Variants in PRR16 observed in about 807,000 individuals in gnomAD.
The protein encoded by PRR16 is protein Largen.
In PRR16, 6 loss-of-function variants were observed where a neutral mutation model predicts 18.2. That is an observed-to-expected ratio of 0.33 (90% CI 0.18 to 0.65). The LOEUF is 0.65. PRR16 is among the 30% of genes least tolerant of loss of function. The pLI is 0.74. For missense variants in PRR16, 412 were observed against 376.6 expected (o/e 1.09, Z -0.78); for synonymous variants, 151 against 147.8 (o/e 1.02, Z -0.16).
intron 1 of PRR16, among the ~76,000 whole-genome samples, chr5:120,564,988 GAAAAAAA>G (rs34900155): frequency 2.2e-5 from 2 of 91,892 alleles, no homozygotes; most frequent in East Asian, 3.6e-4. Context: ...TCTGTTTCCA[GAAAAAAA>G]AAAAAAAAAA....
chr5:120,477,295 A>G (rs1337096273), intron 1 of PRR16, among the ~76,000 whole-genome samples: 1 of 151,840 alleles, frequency 6.6e-6, no homozygotes, highest in Non-Finnish European at 1.5e-5. Flanking sequence ...TAATTTTACC[A>G]TATAGCAAAC....
chr5:120,767,334 C>G, the PRR16 span, among the ~76,000 whole-genome samples: 1 of 151,988 alleles, frequency 6.6e-6, no homozygotes, highest in East Asian at 1.9e-4. Flanking sequence ...TATGTTTTGT[C>G]ATGCCCAAAT....
intron 1 of PRR16, among the ~76,000 whole-genome samples, chr5:120,673,781 A>AG (rs201856444): frequency 0.035 from 5,247 of 152,046 alleles, 159 homozygotes; most frequent in Middle Eastern, 0.16. Context: ...TCTAAAAAAA[A>AG]TAAAAAATAA....
the PRR16 span, among the ~76,000 whole-genome samples, chr5:120,782,193 T>G: frequency 6.6e-6 from 1 of 152,138 alleles, no homozygotes; most frequent in East Asian, 1.9e-4. Flanking sequence ...TGGGACAGAT[T>G]AAACCATCAA....
At chr5:120,710,309 A>T in the PRR16 span, among the ~76,000 whole-genome samples, 67,819 of 151,860 alleles carry the variant, frequency 0.45, 16,279 homozygotes, top group East Asian at 0.83. Context: ...TTTTTAAAAA[A>T]TTTATCATTT....
the PRR16 span, among the ~76,000 whole-genome samples, chr5:120,758,974 C>CTT: frequency 0.054 from 5,954 of 110,324 alleles, 453 homozygotes; most frequent in African/African-American, 0.062. Flanking sequence ...ACCATAATTT[C>CTT]TTTTTTTTTT....
chr5:120,724,372 C>G, the PRR16 span, among the ~76,000 whole-genome samples: 6 of 152,056 alleles, frequency 3.9e-5, no homozygotes. Flanking sequence ...TGCTTCTCCT[C>G]TCTCTATTTT....
At chr5:120,651,016 C>T (rs1359662370) in intron 1 of PRR16, among the ~76,000 whole-genome samples, 2 of 152,108 alleles carry the variant, frequency 1.3e-5, no homozygotes, top group Non-Finnish European at 1.5e-5. Flanking sequence ...GAATGATCGC[C>T]ATTCTAAATG....
chr5:120,782,218 G>A, the PRR16 span, among the ~76,000 whole-genome samples: 1,771 of 152,200 alleles, frequency 0.012, 10 homozygotes, highest in Non-Finnish European at 0.019. Flanking sequence ...CAACAGACTT[G>A]CAGGATTAGC....
chr5:120,615,394 T>G (rs1754474988), intron 1 of PRR16, among the ~76,000 whole-genome samples: 1 of 150,430 alleles, frequency 6.6e-6, no homozygotes, highest in African/African-American at 2.4e-5. Flanking sequence ...CTTTTTTTTT[T>G]TTTTTTTTGA....
intron 1 of PRR16, among the ~76,000 whole-genome samples, chr5:120,567,290 AG>A (rs992437034): frequency 6.6e-6 from 1 of 152,096 alleles, no homozygotes; most frequent in Admixed American, 6.6e-5. Flanking sequence ...CTGCTTGCCT[AG>A]GGTCCTGACA....
chr5:120,651,168 T>C (rs1755774304), intron 1 of PRR16, among the ~76,000 whole-genome samples: 1 of 152,128 alleles, frequency 6.6e-6, no homozygotes, highest in African/African-American at 2.4e-5. Context: ...CACTTTTTGA[T>C]GGGGTTGTTT....
chr5:120,544,582 T>C (rs950739012), intron 1 of PRR16, among the ~76,000 whole-genome samples: 2 of 152,168 alleles, frequency 1.3e-5, no homozygotes, highest in African/African-American at 4.8e-5. Context: ...ATATATATAA[T>C]ACAATTGTGT....
chr5:120,651,561 C>T (rs538479842), intron 1 of PRR16, among the ~76,000 whole-genome samples: 61 of 152,292 alleles, frequency 4.0e-4, no homozygotes, highest in African/African-American at 1.2e-3. Context: ...AGCCAGTTTT[C>T]CCAGCACCAT....
chr5:120,658,542 C>G (rs1756064800), intron 1 of PRR16, among the ~76,000 whole-genome samples: 1 of 151,860 alleles, frequency 6.6e-6, no homozygotes, highest in African/African-American at 2.4e-5. Flanking sequence ...GTATTCAAGT[C>G]TAAAAATTTA....
chr5:120,775,794 C>CTTTTTT, the PRR16 span, among the ~76,000 whole-genome samples: 61 of 122,554 alleles, frequency 5.0e-4, 2 homozygotes, highest in Non-Finnish European at 7.1e-4. Flanking sequence ...CTACGCCTGG[C>CTTTTTT]TATTTTTTTT....
chr5:120,589,411 C>T (rs1405203146), intron 1 of PRR16, among the ~76,000 whole-genome samples: 1 of 152,050 alleles, frequency 6.6e-6, no homozygotes, highest in Non-Finnish European at 1.5e-5. Flanking sequence ...CTCACAAATT[C>T]TCAAGGTATA....
intron 1 of PRR16, among the ~76,000 whole-genome samples, chr5:120,582,664 T>A (rs1315956298): frequency 6.6e-6 from 1 of 152,092 alleles, no homozygotes; most frequent in East Asian, 1.9e-4. Context: ...TTTGGTATAG[T>A]ATTTTCTGAA....
intron 1 of PRR16, among the ~76,000 whole-genome samples, chr5:120,502,536 A>G (rs1187345768): frequency 6.6e-6 from 1 of 152,246 alleles, no homozygotes; most frequent in East Asian, 1.9e-4. Flanking sequence ...GGTAGAAAAC[A>G]GAAACTATAA....
Sources: allele counts gnomAD v4.1 joint callset (sites outside exome capture counted in the v4.1 genomes callset), GRCh38; gene constraint gnomAD v4.1.1; transcripts MANE v1.5; gene names NCBI Gene and HGNC (gene_info 2026-07-23, HGNC 2026-07-21).